LSM12: variants seen among roughly 807,000 people sequenced by gnomAD.
LSM12 encodes the protein protein LSM12.
For missense variants in LSM12, 108 were observed against 238.9 expected (o/e 0.45, Z 3.61); for synonymous variants, 74 against 87.3 (o/e 0.85, Z 0.85).
intron 2 of LSM12, among the ~76,000 whole-genome samples, chr17:44,050,178 C>A (rs575892672): frequency 7.1e-4 from 108 of 151,552 alleles, no homozygotes; most frequent in Non-Finnish European, 2.2e-4. Context: ...CAGCTCAATG[C>A]AACCTCCACC....
At chr17:44,064,048 G>A (rs2049835308) in intron 1 of LSM12, 114 bp from the exon 2 acceptor site, 13 of 1,134,940 alleles carry the variant, frequency 1.1e-5, no homozygotes, top group Non-Finnish European at 1.6e-5. Flanking sequence ...CAGGCCAGGA[G>A]CATGAGGGCC....
chr17:44,041,871 CAAAT>C (rs2049499461), intron 2 of LSM12, among the ~76,000 whole-genome samples: 1 of 152,200 alleles, frequency 6.6e-6, no homozygotes, highest in Non-Finnish European at 1.5e-5. Flanking sequence ...AAAAGTCCAA[CAAAT>C]AATCTGGAGA....
chr17:44,047,742 G>T (rs895494053), intron 2 of LSM12, among the ~76,000 whole-genome samples: 2 of 141,124 alleles, frequency 1.4e-5, no homozygotes, highest in East Asian at 2.1e-4. Context: ...TGTTTGTTCT[G>T]TTTTTTTTTT....
chr17:44,036,349 G>T (rs2049415520), intron 4 of LSM12, 49 bp from the exon 5 acceptor site: 1 of 1,611,614 alleles, frequency 6.2e-7, no homozygotes, highest in Non-Finnish European at 8.5e-7. Flanking sequence ...GCGGAAGAAA[G>T]GTCTCCCAAA....
intron 2 of LSM12, among the ~76,000 whole-genome samples, chr17:44,043,085 G>C (rs2049516462): frequency 1.3e-5 from 2 of 152,160 alleles, no homozygotes; most frequent in African/African-American, 4.8e-5. Context: ...CAAGGCTTAG[G>C]TTTGACTATG....
chr17:44,044,239 A>C (rs1232727114), intron 2 of LSM12, among the ~76,000 whole-genome samples: 1 of 152,216 alleles, frequency 6.6e-6, no homozygotes, highest in Non-Finnish European at 1.5e-5. Context: ...TTTTTGCCAG[A>C]GAGAAAATAA....
At chr17:44,039,131 C>A (rs1249175302) in intron 3 of LSM12, among the ~76,000 whole-genome samples, 2 of 152,070 alleles carry the variant, frequency 1.3e-5, no homozygotes, top group African/African-American at 4.8e-5. Flanking sequence ...CTTGGCTCAC[C>A]ACAACCTCCA....
intron 2 of LSM12, among the ~76,000 whole-genome samples, chr17:44,041,290 A>C (rs376016189): frequency 0.36 from 39,620 of 109,638 alleles, 7,604 homozygotes; most frequent in Middle Eastern, 0.49. Context: ...AAAAAAAACA[A>C]ACACACACAC....
intron 2 of LSM12, among the ~76,000 whole-genome samples, chr17:44,058,612 C>T (rs930265907): frequency 6.6e-6 from 1 of 152,068 alleles, no homozygotes; most frequent in Admixed American, 6.6e-5. Context: ...GCGGGTGGAT[C>T]ATGAGGTCAG....
In LSM12 at chr17:44,034,805, A is replaced by C. The variant is rs1597879998; in HGVS notation, c.*1403T>G. ...AAAAATAGTAGTTAACCCCCACCCC[A>C]CCCCCAAAGCTCTAGCCAGTCATGT... On this transcript the variant is annotated 3_prime_UTR_variant, in exon 5 of 5. Coordinates refer to ENST00000293406, the MANE Select transcript of LSM12 (RefSeq NM_001371445.1). 3 of 79,652 alleles carry C rather than the reference A, an allele frequency of 3.8e-5. No individual in the cohort carries two copies. Among genetic ancestry groups the C allele is most frequent in the Admixed American group, 1.5e-4 (1 of 6,880 alleles). 4.9% of individuals were successfully genotyped at this position (79,652 alleles called of 1,614,324 possible). A position where few individuals can be genotyped will look rare whatever the true frequency, so the allele number is the denominator to read the frequency against.
chr17:44,064,729 T>C (rs1284451279), intron 1 of LSM12, among the ~76,000 whole-genome samples: 1 of 138,400 alleles, frequency 7.2e-6, no homozygotes, highest in Non-Finnish European at 1.5e-5. Context: ...CGAGACTCCG[T>C]CTCAAAAAAA....
intron 2 of LSM12, among the ~76,000 whole-genome samples, chr17:44,043,913 G>C (rs2049528155): frequency 6.6e-6 from 1 of 151,944 alleles, no homozygotes; most frequent in Admixed American, 6.6e-5. Flanking sequence ...TACCTTATAA[G>C]CAGGCTGGAA....
At chr17:44,063,636 G>A (rs1401881846) in intron 2 of LSM12, among the ~76,000 whole-genome samples, 165 bp downstream of exon 2, 1 of 151,990 alleles carries the variant, frequency 6.6e-6, no homozygotes. Context: ...TAACATCCAG[G>A]AATAAAGAGA....
At chr17:44,046,705 G>A (rs1354694444) in intron 2 of LSM12, among the ~76,000 whole-genome samples, 7 of 105,776 alleles carry the variant, frequency 6.6e-5, no homozygotes, top group African/African-American at 3.7e-5. Flanking sequence ...GCCAGACTCC[G>A]TCTCAAAAAA....
intron 2 of LSM12, among the ~76,000 whole-genome samples, chr17:44,059,285 G>A (rs2049763646): frequency 6.6e-6 from 1 of 152,062 alleles, no homozygotes; most frequent in Admixed American, 6.6e-5. Flanking sequence ...TAAACACAAA[G>A]TAATAGAAAA....
intron 2 of LSM12, among the ~76,000 whole-genome samples, chr17:44,059,444 C>T (rs775475377): frequency 9.2e-5 from 14 of 151,980 alleles, no homozygotes; most frequent in Non-Finnish European, 1.8e-4. Flanking sequence ...GAAAAATTAG[C>T]CGGGCATGGT....
chr17:44,061,621 T>G (rs1268168102), intron 2 of LSM12, among the ~76,000 whole-genome samples: 1 of 152,202 alleles, frequency 6.6e-6, no homozygotes, highest in Non-Finnish European at 1.5e-5. Context: ...TCAGCATCAG[T>G]TACCCTCTAT....
At position 44,034,556 on chromosome 17, in the gene LSM12, A is replaced by T. The variant is rs1282706603; in HGVS notation, c.*1652T>A. On this transcript the variant is annotated 3_prime_UTR_variant, in exon 5 of 5. Coordinates refer to ENST00000293406, the MANE Select transcript of LSM12 (RefSeq NM_001371445.1). ...ATAGTAGGAAGAAGAGACTCTAAAG[A>T]GAAAGGTCAAATCAGACAGACATAC... The T allele has an allele frequency of 6.6e-6, 1 of 152,570 alleles. No homozygotes were observed. Among genetic ancestry groups the T allele is most frequent in the Non-Finnish European group, 1.5e-5 (1 of 68,052 alleles). The allele number at this position is 152,570 out of a possible 1,614,324, so 9.5% of individuals were successfully genotyped here.
rs141117803 is a variant in LSM12, at chr17:44,065,969, T to C, written c.124+495A>G. 5.4e-3 allele frequency among the ~76,000 whole-genome samples: 827 copies of C among 151,906 alleles called. 4 individuals are homozygous for C. Among genetic ancestry groups the C allele is most frequent in the Non-Finnish European group, 9.9e-3 (671 of 67,944 alleles). The stretch of plus-strand genomic sequence containing the variant: ...CTCCCCCAAAACAGGCAAGGACCAA[T>C]TTGGTCACCATCCCACCGCCCTTCC... On this transcript the variant is annotated intron_variant, in intron 1 of 4. Transcript: ENST00000293406.
Sources: allele counts gnomAD v4.1 joint callset (sites outside exome capture counted in the v4.1 genomes callset), GRCh38; gene constraint gnomAD v4.1.1; transcripts MANE v1.5; gene names NCBI Gene and HGNC (gene_info 2026-07-23, HGNC 2026-07-21).